TF: variants seen among roughly 807,000 people sequenced by gnomAD.
TF encodes the protein transferrin.
In TF, 55 loss-of-function variants were observed where a neutral mutation model predicts 82.4. That is an observed-to-expected ratio of 0.67 (90% confidence interval 0.54 to 0.84). The LOEUF (loss-of-function observed/expected upper bound fraction) is 0.84, where lower values mean the gene tolerates loss of function less well. Among genes scored for constraint, TF ranks in the 40% least tolerant of loss-of-function variants. TF has a pLI of 0.00. For missense variants in TF, 737 were observed against 868.4 expected (o/e 0.85, Z 1.90); for synonymous variants, 332 against 332.6 (o/e 1.00, Z 0.02).
chr3:133,678,735 AG>A, the TF span, among the ~76,000 whole-genome samples: 2 of 152,110 alleles, frequency 1.3e-5, no homozygotes, highest in Non-Finnish European at 2.9e-5. Flanking sequence ...AATTTGTTTA[AG>A]TTCCTTGTAG....
rs200204609 is a variant in TF at position 133,753,600 on chromosome 3, C to T, written c.222C>T (p.Asn74=). The change falls in exon 3 of 17, where the codon AAC becomes AAT. Residue 74 remains asparagine, a synonymous_variant. Transcript: ENST00000402696. The stretch of plus-strand genomic sequence containing the variant: ...ACTGGCCTGTTCTCTTTCAGGCAAA[C>T]GAAGCGGATGCTGTGACACTGGATG... ...YLDCIRAIAA[N]EADAVTLDAG... The T allele has an allele frequency of 2.5e-5, 40 of 1,613,934 alleles. No homozygotes were observed. Among genetic ancestry groups the T allele is most frequent in the Middle Eastern group, 1.6e-4 (1 of 6,084 alleles).
At chr3:133,712,978 T>C in the TF span, among the ~76,000 whole-genome samples, 2 of 152,188 alleles carry the variant, frequency 1.3e-5, no homozygotes, top group African/African-American at 2.4e-5. Flanking sequence ...TGCTCTTCTC[T>C]AGGGCACTCT....
chr3:133,683,647 G>A, the TF span, among the ~76,000 whole-genome samples: 72 of 152,260 alleles, frequency 4.7e-4, no homozygotes, highest in African/African-American at 1.7e-3. Flanking sequence ...AACAAGAAGA[G>A]CTAACTATCC....
At chr3:133,757,245 CT>C (rs1326648907) in intron 7 of TF, among the ~76,000 whole-genome samples, 4 of 152,192 alleles carry the variant, frequency 2.6e-5, no homozygotes, top group African/African-American at 9.7e-5. Flanking sequence ...TGAAGAGGCT[CT>C]GTATTGCTCT....
the TF span, among the ~76,000 whole-genome samples, chr3:133,679,994 T>C: frequency 8.3e-4 from 127 of 152,286 alleles, no homozygotes; most frequent in African/African-American, 3.0e-3. Flanking sequence ...TAGGTATGCA[T>C]TCTAATAGGT....
chr3:133,756,099 G>A (rs781608572), intron 5 of TF, among the ~76,000 whole-genome samples, 183 bp from the exon 6 acceptor site: 90 of 152,042 alleles, frequency 5.9e-4, no homozygotes, highest in Non-Finnish European at 1.1e-3. Flanking sequence ...TTTTTATCTC[G>A]TGTGAGCTCA....
chr3:133,698,239 C>T, the TF span, among the ~76,000 whole-genome samples: 1 of 152,232 alleles, frequency 6.6e-6, no homozygotes, highest in Non-Finnish European at 1.5e-5. Flanking sequence ...TTGCTTCTTT[C>T]ATTGCTTCAT....
At chr3:133,764,410 C>A in intron 10 of TF, 135 bp downstream of exon 10, 1 of 729,890 alleles carries the variant, frequency 1.4e-6, no homozygotes, top group Non-Finnish European at 2.4e-6. Flanking sequence ...ACTTTGCAAG[C>A]TCTGGGCTCC....
At chr3:133,741,284 T>A (rs897626038), upstream of TF, among the ~76,000 whole-genome samples, 1 of 152,196 alleles carries the variant, frequency 6.6e-6, no homozygotes, top group African/African-American at 2.4e-5. Flanking sequence ...TGAGCCACCA[T>A]GCCCAGCTTT....
chr3:133,732,988 C>T, the TF span, among the ~76,000 whole-genome samples: 1 of 152,196 alleles, frequency 6.6e-6, no homozygotes, highest in East Asian at 1.9e-4. Context: ...CCAGGATCTT[C>T]TCTTGTCCTA....
intron 2 of TF, 103 bp from the exon 3 acceptor site, chr3:133,753,492 C>A (rs1490262368): frequency 2.0e-6 from 2 of 1,005,770 alleles, no homozygotes; most frequent in Non-Finnish European, 3.1e-6. Context: ...AGTTCTGGCC[C>A]TGGGTCCGTG....
At chr3:133,766,463 G>A (rs368243312) in intron 12 of TF, 30 bp downstream of exon 12, 31 of 1,613,868 alleles carry the variant, frequency 1.9e-5, no homozygotes, top group Non-Finnish European at 2.5e-5. Flanking sequence ...GAGGGCTGGT[G>A]AGGGCCATGC....
At chr3:133,696,796 T>C in the TF span, among the ~76,000 whole-genome samples, 119 of 103,846 alleles carry the variant, frequency 1.1e-3, 1 homozygote, top group African/African-American at 3.7e-3. Flanking sequence ...TCTTCTTCTT[T>C]TTTTTTTTTA....
the TF span, among the ~76,000 whole-genome samples, chr3:133,684,939 G>A: frequency 6.6e-6 from 1 of 152,056 alleles, no homozygotes; most frequent in Non-Finnish European, 1.5e-5. Context: ...GATGAACATC[G>A]ATGCAAAAAT....
the TF span, among the ~76,000 whole-genome samples, chr3:133,733,354 C>T: frequency 6.6e-6 from 1 of 152,178 alleles, no homozygotes; most frequent in Non-Finnish European, 1.5e-5. Context: ...GTGTCCCCAT[C>T]CCTGACTACT....
intron 5 of TF, chr3:133,755,924 CT>C: frequency 2.3e-6 from 1 of 437,538 alleles, no homozygotes. Flanking sequence ...TGATTTCTTG[CT>C]TTCTCTTTTT....
chr3:133,684,370 G>A, the TF span, among the ~76,000 whole-genome samples: 1 of 152,048 alleles, frequency 6.6e-6, no homozygotes, highest in South Asian at 2.1e-4. Flanking sequence ...AACTGAAGGA[G>A]ATAGAGACAC....
At chr3:133,699,439 C>T in the TF span, 8 of 1,227,468 alleles carry the variant, frequency 6.5e-6, no homozygotes, top group Admixed American at 1.5e-4. Context: ...GGCTTTCCCT[C>T]CCCAGAGAAC....
chr3:133,783,361 T>C lies in TF; in HGVS notation c.*4741T>C, dbSNP rs555436178. 3.3e-4 allele frequency: 51 copies of C among 152,302 alleles called. No individual in the cohort carries two copies. Among genetic ancestry groups the C allele is most frequent in the African/African-American group, 1.1e-3 (46 of 41,574 alleles). 9.4% of individuals were successfully genotyped at this position (152,302 alleles called of 1,614,324 possible). A position where few individuals can be genotyped will look rare whatever the true frequency, so the allele number is the denominator to read the frequency against. ...TACTCGGGGGGGACAGATAGGCTAC[T>C]CACTGAAGTGTTTAGAAGCAGAGTA... On this transcript the variant is annotated 3_prime_UTR_variant, in exon 17 of 17. Transcript: ENST00000402696.
Sources: allele counts gnomAD v4.1 joint callset (sites outside exome capture counted in the v4.1 genomes callset), GRCh38; gene constraint gnomAD v4.1.1; transcripts MANE v1.5; gene names NCBI Gene and HGNC (gene_info 2026-07-23, HGNC 2026-07-21).